RASGRP1: variants seen among roughly 807,000 people sequenced by gnomAD.
The protein encoded by RASGRP1 is RAS guanyl releasing protein 1, also known as RAS guanyl-releasing protein 1.
In RASGRP1, 37 loss-of-function variants were observed where a neutral mutation model predicts 95.1. The observed-to-expected ratio is 0.39, with a 90% CI of 0.30 to 0.51. RASGRP1 has a LOEUF of 0.51. Among genes scored for constraint, RASGRP1 ranks in the 20% least tolerant of loss-of-function variants. The pLI, the probability that RASGRP1 is intolerant of heterozygous loss-of-function variation, is 0.80. For synonymous variants in RASGRP1, 325 were observed against 353.4 expected (o/e 0.92, Z 0.90); for missense variants, 711 against 965.4 (o/e 0.74, Z 3.49).
intron 16 of RASGRP1, 84 bp from the exon 17 acceptor site, chr15:38,490,772 G>T (rs1890543594): frequency 9.5e-6 from 13 of 1,370,610 alleles, no homozygotes; most frequent in Non-Finnish European, 1.2e-5. Flanking sequence ...CTTTTGATTG[G>T]CATTTCCTAT....
intron 3 of RASGRP1, among the ~76,000 whole-genome samples, chr15:38,522,427 A>C (rs1367649839): frequency 6.6e-6 from 1 of 152,216 alleles, no homozygotes; most frequent in Admixed American, 6.5e-5. Flanking sequence ...ACATTTATTT[A>C]GCTAACAGAA....
chr15:38,547,669 T>G (rs1893154198), intron 2 of RASGRP1, among the ~76,000 whole-genome samples: 1 of 152,106 alleles, frequency 6.6e-6, no homozygotes, highest in African/African-American at 2.4e-5. Flanking sequence ...CCTTTAAAAT[T>G]TTTTACCATT....
At chr15:38,552,469 A>G (rs923846346) in intron 2 of RASGRP1, among the ~76,000 whole-genome samples, 10 of 152,184 alleles carry the variant, frequency 6.6e-5, no homozygotes, top group Non-Finnish European at 1.2e-4. Context: ...AGCCCTGATT[A>G]GTGATGTTTG....
intron 15 of RASGRP1, among the ~76,000 whole-genome samples, chr15:38,495,062 CCA>C (rs1187995006): frequency 6.6e-6 from 1 of 152,130 alleles, no homozygotes; most frequent in African/African-American, 2.4e-5. Context: ...TGCCTCAGTG[CCA>C]CAGAGTTTCA....
chr15:38,494,896 T>C, intron 15 of RASGRP1, 129 bp from the exon 16 acceptor site: 1 of 877,986 alleles, frequency 1.1e-6, no homozygotes, highest in Non-Finnish European at 1.5e-6. Context: ...GGACCCATTT[T>C]CAGGCACCCA....
In RASGRP1 at chr15:38,501,123, G is replaced by A; in HGVS notation, c.1683+20C>T. 6.4e-7 allele frequency: 1 copy of A among 1,573,956 alleles called. No homozygotes were observed. Among genetic ancestry groups the A allele is most frequent in the Non-Finnish European group, 8.6e-7 (1 of 1,162,148 alleles). Reference sequence around the variant, plus strand: ...ACTCTTCCCCAAATTCAGCCCTGGAGCACCCTAAGAACAACTTACAAATCC... The same window carrying A: ...ACTCTTCCCCAAATTCAGCCCTGGAACACCCTAAGAACAACTTACAAATCC... On this transcript the variant is annotated intron_variant, in intron 13 of 16. Transcript: ENST00000310803.
At chr15:38,514,063 G>T (rs942808872) in intron 6 of RASGRP1, among the ~76,000 whole-genome samples, 6 of 152,038 alleles carry the variant, frequency 3.9e-5, no homozygotes, top group African/African-American at 1.4e-4. Flanking sequence ...TAGACATGCA[G>T]TGTGAGTGAA....
At chr15:38,502,196 T>C in intron 12 of RASGRP1, 116 bp downstream of exon 12, 2 of 734,076 alleles carry the variant, frequency 2.7e-6, no homozygotes, top group South Asian at 3.8e-5. Flanking sequence ...TGGTCTGTTC[T>C]TTAAGTGATC....
In RASGRP1 at chr15:38,512,882, C is replaced by T. The variant is rs904186024; in HGVS notation, c.750G>A (p.Leu250=). 2 of 1,612,774 alleles carry T rather than the reference C, an allele frequency of 1.2e-6. No individual in the cohort carries two copies. Among genetic ancestry groups the T allele is most frequent in the East Asian group, 2.2e-5 (1 of 44,754 alleles). Residue 250 remains leucine, a synonymous_variant, in exon 7 of 17, where the codon CTG becomes CTA. Coordinates refer to ENST00000310803, the MANE Select transcript of RASGRP1 (RefSeq NM_005739.4). Reference sequence around the variant, plus strand: ...GTACCCACTGGGAGATGCCGTTGCACAGAGCAATAGATCGCTCCATGGTGG... The same window carrying T: ...GTACCCACTGGGAGATGCCGTTGCATAGAGCAATAGATCGCTCCATGGTGG... The part of the protein sequence containing the change: ...ENPTMERSIA[L]CNGISQWVQL...
chr15:38,560,316 C>T (rs1893752541), intron 1 of RASGRP1: 1 of 370,730 alleles, frequency 2.7e-6, no homozygotes, highest in African/African-American at 2.1e-5. Flanking sequence ...TCCTTAGCTC[C>T]CAGCAATGTA....
chr15:38,508,100 C>T, intron 8 of RASGRP1, 99 bp from the exon 9 acceptor site: 1 of 1,364,610 alleles, frequency 7.3e-7, no homozygotes, highest in Non-Finnish European at 9.9e-7. Context: ...ATGATCTCAC[C>T]CCATCCAGAA....
At chr15:38,530,483 A>T (rs1271938969) in intron 2 of RASGRP1, among the ~76,000 whole-genome samples, 2 of 152,226 alleles carry the variant, frequency 1.3e-5, no homozygotes, top group Admixed American at 6.5e-5. Context: ...TGGCTTTTCA[A>T]TGCAGCATTT....
intron 8 of RASGRP1, among the ~76,000 whole-genome samples, chr15:38,508,277 A>G (rs1891346616): frequency 6.6e-6 from 1 of 152,186 alleles, no homozygotes; most frequent in African/African-American, 2.4e-5. Flanking sequence ...TTTATGTTAA[A>G]ATTTCCTTCT....
At position 38,557,629 on chromosome 15, in the gene RASGRP1, G is replaced by GTGTGTGTGTA. The variant is rs745934661; in HGVS notation, c.220+2191_220+2192insTACACACACA. 6.1e-3 allele frequency among the ~76,000 whole-genome samples: 893 copies of GTGTGTGTGTA among 147,388 alleles called. 5 individuals are homozygous for GTGTGTGTGTA. The highest frequency in any genetic ancestry group is 8.8e-3 in the East Asian group (45 of 5,112). On this transcript the variant is annotated intron_variant, in intron 2 of 16. Transcript: ENST00000310803. ...TGTGTGTGTGTGTGTGTGTGTGTGT[G>GTGTGTGTGTA]TATATATATATATATATTTCCTGAA...
intron 2 of RASGRP1, among the ~76,000 whole-genome samples, chr15:38,549,569 A>G (rs909928490): frequency 2.0e-5 from 3 of 152,174 alleles, no homozygotes; most frequent in African/African-American, 7.2e-5. Context: ...TATACCTTTG[A>G]TAAGTTCTTG....
At chr15:38,524,898 G>C (rs1031054497) in intron 3 of RASGRP1, among the ~76,000 whole-genome samples, 1 of 151,808 alleles carries the variant, frequency 6.6e-6, no homozygotes, top group African/African-American at 2.4e-5. Context: ...GGAAAGGGAG[G>C]GGGGGTCTGC....
intron 3 of RASGRP1, among the ~76,000 whole-genome samples, chr15:38,525,169 T>G (rs988672772): frequency 2.0e-5 from 3 of 152,118 alleles, no homozygotes; most frequent in African/African-American, 7.2e-5. Flanking sequence ...GGTTTCACCA[T>G]GTTGGCCAGG....
chr15:38,541,514 C>T (rs1288084355), intron 2 of RASGRP1, among the ~76,000 whole-genome samples: 1 of 152,144 alleles, frequency 6.6e-6, no homozygotes, highest in Non-Finnish European at 1.5e-5. Context: ...ATCATTTGAG[C>T]CAGGGAAGTG....
In RASGRP1 at chr15:38,516,364, A is replaced by G. The variant is rs774509194; in HGVS notation, c.522-14T>C. The G allele has an allele frequency of 1.2e-6, 2 of 1,605,064 alleles. No homozygotes were observed. The highest frequency in any genetic ancestry group is 2.2e-5 in the South Asian group (2 of 90,882). On this transcript the variant is annotated splice_polypyrimidine_tract_variant and intron_variant, in intron 5 of 16. Coordinates refer to ENST00000310803, the MANE Select transcript of RASGRP1 (RefSeq NM_005739.4). ...TCACGGGCATTGCTTTTGTGGGTAA[A>G]TGTGAAAGGGAGAAGACAGGGAAAA...
Sources: gnomAD v4.1 joint callset for allele counts (sites outside exome capture counted in the v4.1 genomes callset) on GRCh38, gnomAD v4.1.1 for gene constraint, MANE v1.5 for transcripts, NCBI Gene and HGNC (gene_info 2026-07-23, HGNC 2026-07-21) for gene names.